The following TSHZ2 variants were observed in gnomAD, a reference collection of about 807,000 sequenced individuals.
TSHZ2 encodes the protein teashirt zinc finger homeobox 2.
A neutral mutation model predicts 74.4 loss-of-function variants in TSHZ2; 21 were observed. The ratio of observed to expected loss-of-function variants is 0.28; its 90% CI spans 0.20 to 0.41. The LOEUF (loss-of-function observed/expected upper bound fraction) is 0.41, where lower values mean the gene tolerates loss of function less well. Ranked by LOEUF, TSHZ2 falls within the 10% of genes least tolerant of loss-of-function variation. The pLI is 1.00. For missense variants in TSHZ2, 1,244 were observed against 1,293.5 expected, an observed-to-expected ratio of 0.96 and a Z score of 0.59; for synonymous variants, 540 against 515.3, an observed-to-expected ratio of 1.05 and a Z score of -0.65.
rs377138242 is a variant in TSHZ2 at position 53,143,412 on chromosome 20, G to A, written c.41-110087G>A. On this transcript the variant is annotated intron_variant, in intron 1 of 2. Coordinates refer to ENST00000371497, the MANE Select transcript of TSHZ2 (RefSeq NM_173485.6). ...TTCTTCACAAAAAATAATTGTAATA[G>A]GCCGGGCGCGGTGGCTCACGCCTTT... Among the ~76,000 whole-genome samples the A allele has an allele frequency of 8.5e-5, 13 of 152,280 alleles. No homozygotes were observed. In the East Asian group the frequency reaches 1.4e-3, roughly 16 times the overall value.
At chr20:53,182,675 T>C (rs1357497648) in intron 1 of TSHZ2, among the ~76,000 whole-genome samples, 1 of 152,210 alleles carries the variant, frequency 6.6e-6, no homozygotes, top group East Asian at 1.9e-4. Context: ...TTCCCTTTGA[T>C]AAACGTGCTC....
chr20:53,332,292 TG>T (rs373568740), intron 2 of TSHZ2, among the ~76,000 whole-genome samples: 33 of 152,268 alleles, frequency 2.2e-4, no homozygotes, highest in African/African-American at 7.7e-4. Context: ...TCCAGAAAGA[TG>T]CCTCTAAGGC....
intron 1 of TSHZ2, among the ~76,000 whole-genome samples, chr20:53,231,922 T>C (rs1989832821): frequency 6.6e-6 from 1 of 152,200 alleles, no homozygotes; most frequent in African/African-American, 2.4e-5. Context: ...TCTTGCTCTG[T>C]TGCCCAGGCT....
At chr20:53,146,523 C>T (rs535748562) in intron 1 of TSHZ2, among the ~76,000 whole-genome samples, 1 of 152,272 alleles carries the variant, frequency 6.6e-6, no homozygotes, top group African/African-American at 2.4e-5. Context: ...GGATGTGGCT[C>T]AGGATTGTCT....
chr20:53,091,156 T>C (rs1985875093), intron 1 of TSHZ2, among the ~76,000 whole-genome samples: 1 of 152,236 alleles, frequency 6.6e-6, no homozygotes, highest in Non-Finnish European at 1.5e-5. Context: ...AATTTGGTAA[T>C]TTTGTAGCTA....
At chr20:53,050,166 TAC>T (rs1984404875) in intron 1 of TSHZ2, among the ~76,000 whole-genome samples, 2 of 143,752 alleles carry the variant, frequency 1.4e-5, no homozygotes, top group Middle Eastern at 3.6e-3. Flanking sequence ...CATATATATG[TAC>T]ATATATACAC....
intron 2 of TSHZ2, among the ~76,000 whole-genome samples, chr20:53,454,499 T>C (rs1308917627): frequency 6.6e-6 from 1 of 151,658 alleles, no homozygotes; most frequent in Non-Finnish European, 1.5e-5. Flanking sequence ...GAGGTGGAGG[T>C]TGCAGTGAGC....
At chr20:53,346,742 C>T (rs527850738) in intron 2 of TSHZ2, among the ~76,000 whole-genome samples, 47 of 152,266 alleles carry the variant, frequency 3.1e-4, no homozygotes, top group Middle Eastern at 3.4e-3. Context: ...GTCGCAACTG[C>T]GTAGGTCATT....
chr20:53,203,784 C>G (rs926972480), intron 1 of TSHZ2, among the ~76,000 whole-genome samples: 1 of 151,970 alleles, frequency 6.6e-6, no homozygotes, highest in African/African-American at 2.4e-5. Context: ...AACTGCATGT[C>G]CCAAACCAAA....
intron 1 of TSHZ2, among the ~76,000 whole-genome samples, chr20:53,143,363 C>G (rs1987456207): frequency 6.6e-6 from 1 of 152,202 alleles, no homozygotes; most frequent in African/African-American, 2.4e-5. Context: ...GTTGGGCCAA[C>G]TCCCCATGCC....
intron 2 of TSHZ2, among the ~76,000 whole-genome samples, chr20:53,416,976 T>A (rs983673269): frequency 6.6e-6 from 1 of 152,108 alleles, no homozygotes; most frequent in Non-Finnish European, 1.5e-5. Flanking sequence ...GAATAGAAAA[T>A]GTTTTCTCAA....
chr20:53,399,735 C>T (rs1982583442), intron 2 of TSHZ2: 1 of 152,290 alleles, frequency 6.6e-6, no homozygotes, highest in African/African-American at 2.4e-5. Flanking sequence ...GCTGACCTGG[C>T]TGCTGACCAA....
chr20:53,413,416 C>T (rs1205457411), intron 2 of TSHZ2, among the ~76,000 whole-genome samples: 2 of 152,188 alleles, frequency 1.3e-5, no homozygotes, highest in Non-Finnish European at 2.9e-5. Context: ...GCCTGAATCC[C>T]AGCACTTTGC....
At chr20:53,012,504 C>T (rs1982887712) in intron 1 of TSHZ2, among the ~76,000 whole-genome samples, 1 of 152,154 alleles carries the variant, frequency 6.6e-6, no homozygotes, top group African/African-American at 2.4e-5. Flanking sequence ...CACTTTAAAG[C>T]TTGGGAAGTT....
chr20:53,321,155 T>C (rs1231259981), intron 2 of TSHZ2, among the ~76,000 whole-genome samples: 1 of 152,218 alleles, frequency 6.6e-6, no homozygotes, highest in Non-Finnish European at 1.5e-5. Flanking sequence ...TCCTTCTTAC[T>C]TTAGAAAAAT....
intron 2 of TSHZ2, among the ~76,000 whole-genome samples, chr20:53,451,102 C>T (rs1256066700): frequency 6.6e-6 from 1 of 152,164 alleles, no homozygotes; most frequent in Non-Finnish European, 1.5e-5. Flanking sequence ...TGATGTTGCT[C>T]ATGAAAATTG....
At chr20:53,185,668 A>C in intron 1 of TSHZ2, 1 of 1,536,092 alleles carries the variant, frequency 6.5e-7, no homozygotes, top group South Asian at 1.2e-5. Flanking sequence ...GCGTTGCTCC[A>C]TTATACAGGT....
chr20:53,120,888 T>C (rs992254718), intron 1 of TSHZ2, among the ~76,000 whole-genome samples: 2 of 152,246 alleles, frequency 1.3e-5, no homozygotes, highest in African/African-American at 2.4e-5. Context: ...TCCTGTGGGC[T>C]TCATTACTGA....
intron 1 of TSHZ2, among the ~76,000 whole-genome samples, chr20:53,134,586 C>A (rs1987194358): frequency 6.6e-6 from 1 of 152,152 alleles, no homozygotes; most frequent in Non-Finnish European, 1.5e-5. Flanking sequence ...GAAGGAGATG[C>A]ATCCTCTATG....
Sources: allele counts gnomAD v4.1 joint callset (sites outside exome capture counted in the v4.1 genomes callset), GRCh38; gene constraint gnomAD v4.1.1; transcripts MANE v1.5; gene names NCBI Gene and HGNC (gene_info 2026-07-23, HGNC 2026-07-21).